Variants in HOXD3 observed in about 807,000 individuals in gnomAD.
The protein encoded by HOXD3 is homeobox D3, also known as homeobox protein Hox-D3.
A neutral mutation model predicts 32.8 loss-of-function variants in HOXD3; 13 were observed. That is an observed-to-expected ratio of 0.40 (90% CI 0.26 to 0.63). The LOEUF is 0.63. Ranked by LOEUF, HOXD3 falls within the 20% of genes least tolerant of loss-of-function variation. The pLI, the probability that HOXD3 is intolerant of heterozygous loss-of-function variation, is 0.44. For synonymous variants in HOXD3, 241 were observed against 246.8 expected, an observed-to-expected ratio of 0.98 and a Z score of 0.22; for missense variants, 504 against 577.1, an observed-to-expected ratio of 0.87 and a Z score of 1.30.
chr2:176,154,851 A>C (rs1474973136), upstream of HOXD3, among the ~76,000 whole-genome samples: 1 of 152,244 alleles, frequency 6.6e-6, no homozygotes, highest in Admixed American at 6.5e-5. Flanking sequence ...CATTATTCAC[A>C]TCATTGTTTC....
chr2:176,162,380 G>A (rs1478712691), intron 1 of HOXD3, among the ~76,000 whole-genome samples: 1 of 152,192 alleles, frequency 6.6e-6, no homozygotes, highest in Admixed American at 6.5e-5. Context: ...TTCCTAGGGT[G>A]CTGCTGAGGG....
upstream of HOXD3, among the ~76,000 whole-genome samples, chr2:176,155,097 G>C (rs1425140362): frequency 3.9e-5 from 6 of 152,120 alleles, no homozygotes; most frequent in Non-Finnish European, 8.8e-5. Flanking sequence ...CTAACATGGA[G>C]AGCAGTCTTT....
At chr2:176,156,942 C>G (rs550554729), upstream of HOXD3, among the ~76,000 whole-genome samples, 11 of 152,316 alleles carry the variant, frequency 7.2e-5, no homozygotes, top group East Asian at 1.7e-3. Context: ...TTATGATTGT[C>G]CTCTGCCCGT....
At chr2:176,161,206 C>G (rs1475902647) in intron 1 of HOXD3, 1 of 152,180 alleles carries the variant, frequency 6.6e-6, no homozygotes, top group South Asian at 2.1e-4. Context: ...GGTGAGGCAG[C>G]CCGCGTAGAC....
upstream of HOXD3, chr2:176,153,097 C>A: frequency 5.0e-6 from 2 of 401,110 alleles, no homozygotes; most frequent in Non-Finnish European, 9.6e-6. Flanking sequence ...GCATCCTGCC[C>A]GAGGGCAGCC....
intron 1 of HOXD3, among the ~76,000 whole-genome samples, chr2:176,162,255 T>A (rs1264789203): frequency 6.6e-6 from 1 of 152,234 alleles, no homozygotes; most frequent in Admixed American, 6.5e-5. Flanking sequence ...GTCAGCTGAA[T>A]CCAATTACCG....
At position 176,171,779 on chromosome 2, in the gene HOXD3, G is replaced by A; in HGVS notation, c.804G>A (p.Glu268=). The A allele has an allele frequency of 6.2e-7, 1 of 1,613,836 alleles. No homozygotes were observed. Among genetic ancestry groups the A allele is most frequent in the Non-Finnish European group, 8.5e-7 (1 of 1,179,904 alleles). The change falls in exon 4 of 4, where the codon GAG becomes GAA. Residue 268 remains glutamate (E), a synonymous_variant. Coordinates refer to ENST00000683222, the MANE Select transcript of HOXD3 (RefSeq NM_006898.5). ...ILHSPASQSP[E]RSPPLGGAAG... The stretch of plus-strand genomic sequence containing the variant: ...ACTCGCCGGCTAGCCAGTCCCCTGA[G>A]CGCAGCCCACCGCTCGGCGGCGCCG...
intron 2 of HOXD3, among the ~76,000 whole-genome samples, chr2:176,168,275 A>AC (rs1691050974): frequency 4.6e-5 from 7 of 150,778 alleles, no homozygotes; most frequent in Admixed American, 4.6e-4. Flanking sequence ...AAAAAAAAAA[A>AC]AAAAACTAAG....
At chr2:176,159,353 C>T (rs751072398) in intron 1 of HOXD3, among the ~76,000 whole-genome samples, 7 of 152,176 alleles carry the variant, frequency 4.6e-5, no homozygotes, top group Non-Finnish European at 1.0e-4. Flanking sequence ...GGGGCTCGGG[C>T]CTCCAGGACA....
Position 176,166,174 on chromosome 2 carries a change from G to A in HOXD3, c.-85+2006G>A, listed in dbSNP as rs1690965008. ...GTAAACAGTTAGGAAAACAGACTCTGGTTTTTCAGGAAGATGCCCAATGTT... is the reference window on the plus strand; with the variant it reads ...GTAAACAGTTAGGAAAACAGACTCTAGTTTTTCAGGAAGATGCCCAATGTT... On this transcript the variant is annotated intron_variant, in intron 2 of 3. Transcript: ENST00000683222. Among the ~76,000 whole-genome samples the A allele has an allele frequency of 2.6e-5, 4 of 152,140 alleles. No individual in the cohort carries two copies. In the South Asian group the frequency reaches 8.3e-4, roughly 31 times the overall value.
chr2:176,171,625 G>C lies in HOXD3; in HGVS notation c.650G>C (p.Arg217Pro). 1 of 1,614,206 alleles carries C rather than the reference G, an allele frequency of 6.2e-7. No homozygotes were observed. The highest frequency in any genetic ancestry group is 8.5e-7 in the Non-Finnish European group (1 of 1,180,038). The change falls in exon 4 of 4, where the codon CGC becomes CCC. Residue 217 changes from arginine (R) to proline (P), a missense_variant. Arg to Pro is a moderately radical substitution (Grantham distance 103, BLOSUM62 -2). Coordinates refer to ENST00000683222, the MANE Select transcript of HOXD3 (RefSeq NM_006898.5). ...VELEKEFHFN[R>P]YLCRPRRVEM... ...TTGGAAAAGGAATTCCACTTCAACC[G>C]CTACTTGTGCCGGCCGCGCCGCGTG...
chr2:176,172,239 CG>C lies in HOXD3; in HGVS notation c.1265del (p.Arg422HisfsTer8). ...DLSAHHSSQG[R>X]LPEAPKLTHL is the part of the protein sequence containing the mutation. The stretch of plus-strand genomic sequence containing the variant: ...CTCGGCCCACCACTCGTCTCAGGGA[CG>C]ACTGCCGGAGGCTCCCAAACTGACG... On this transcript the variant is annotated frameshift_variant, in exon 4 of 4. Transcript: ENST00000683222. LOFTEE classifies it high-confidence loss of function. 1 of 1,607,360 alleles carries C rather than the reference CG, an allele frequency of 6.2e-7. No individual in the cohort carries two copies. Among genetic ancestry groups the C allele is most frequent in the African/African-American group, 1.3e-5 (1 of 75,024 alleles).
Position 176,169,272 on chromosome 2 carries a change from C to T in HOXD3, c.158C>T (p.Pro53Leu). 1.2e-6 allele frequency: 2 copies of T among 1,614,190 alleles called. No homozygotes were observed. The highest frequency in any genetic ancestry group is 1.7e-6 in the Non-Finnish European group (2 of 1,180,036). ...YSTPHQPYPPPAAASSLDTDY... is the reference protein window; with the variant it reads ...YSTPHQPYPPLAAASSLDTDY... ...ACCCCCCACCAGCCCTACCCACCCC[C>T]TGCTGCTGCCAGCTCCCTGGACACT... The change falls in exon 3 of 4, where the codon CCT (proline) becomes CTT (leucine). Residue 53 changes from proline to leucine, a missense_variant. Physicochemically the swap from Pro to Leu is moderately conservative, Grantham distance 98. Around this residue, in one of 3 missense-constraint regions of HOXD3, gnomAD observed 181 missense variants for 172.2 expected, o/e 1.05. Coordinates refer to ENST00000683222, the MANE Select transcript of HOXD3 (RefSeq NM_006898.5).
At chr2:176,159,099 C>G (rs1189199413) in intron 1 of HOXD3, among the ~76,000 whole-genome samples, 3 of 152,188 alleles carry the variant, frequency 2.0e-5, no homozygotes, top group Admixed American at 1.3e-4. Context: ...ACATATGCTC[C>G]GATTGAAGAA....
chr2:176,153,015 CTGTCA>C, upstream of HOXD3: 2 of 1,436,126 alleles, frequency 1.4e-6, no homozygotes, highest in Non-Finnish European at 2.0e-6. Flanking sequence ...GCCGGGCCTG[CTGTCA>C]CCTCGCTGGG....
upstream of HOXD3, among the ~76,000 whole-genome samples, chr2:176,155,967 A>G (rs1690636758): frequency 6.6e-6 from 1 of 152,132 alleles, no homozygotes; most frequent in South Asian, 2.1e-4. Flanking sequence ...AATAGAATTG[A>G]CCAATGTTTT....
At chr2:176,153,816 T>C (rs1690592577), upstream of HOXD3, among the ~76,000 whole-genome samples, 1 of 152,216 alleles carries the variant, frequency 6.6e-6, no homozygotes. Context: ...CAACCAGTTC[T>C]GGGTGATTAA....
chr2:176,155,800 A>G (rs972970871), upstream of HOXD3, among the ~76,000 whole-genome samples: 14 of 152,194 alleles, frequency 9.2e-5, no homozygotes, highest in Non-Finnish European at 1.5e-4. Flanking sequence ...AAAAACAAAA[A>G]CCGTGTTGGG....
At position 176,169,209 on chromosome 2, in the gene HOXD3, A is replaced by G. The variant is rs1361879971; in HGVS notation, c.95A>G (p.Tyr32Cys). 2 of 1,614,140 alleles carry G rather than the reference A, an allele frequency of 1.2e-6. No individual in the cohort carries two copies. The highest frequency in any genetic ancestry group is 1.7e-5 in the Admixed American group (1 of 60,018). ...GAAAACCCAGGACTGTTTGGAGGCT[A>G]TGGCTACAGCAAAACTACGGACACT... ...YYENPGLFGG[Y>C]GYSKTTDTYG... The change falls in exon 3 of 4, where the codon TAT becomes TGT. Residue 32 changes from tyrosine to cysteine, a missense_variant. Tyr to Cys is a radical substitution (Grantham distance 194, BLOSUM62 -2). This residue lies in a region of HOXD3 where 181 missense variants were observed against 172.2 expected (regional missense o/e 1.05). Transcript: ENST00000683222.
Sources: allele counts gnomAD v4.1 joint callset (sites outside exome capture counted in the v4.1 genomes callset), GRCh38; gene constraint gnomAD v4.1.1; regional missense constraint gnomAD v4.1.1; transcripts MANE v1.5; gene names NCBI Gene and HGNC (gene_info 2026-07-23, HGNC 2026-07-21).